SUSD1: variants seen among roughly 807,000 people sequenced by gnomAD.
SUSD1 encodes the protein sushi domain containing 1.
Under a neutral mutation model 86.9 loss-of-function variants are expected in SUSD1, and 65 were observed. The ratio of observed to expected loss-of-function variants is 0.75; its 90% CI spans 0.61 to 0.92. The LOEUF (loss-of-function observed/expected upper bound fraction) is 0.92. SUSD1 is among the 40% of genes least tolerant of loss of function. The pLI, the probability that SUSD1 is intolerant of heterozygous loss-of-function variation, is 0.00. For synonymous variants in SUSD1, 346 were observed against 350.0 expected (o/e 0.99, Z 0.13); for missense variants, 850 against 929.7 (o/e 0.91, Z 1.11).
rs1027947685 is a variant in SUSD1 at position 112,053,548 on chromosome 9, A to G, written c.2110-1110T>C. Reference sequence around the variant, plus strand: ...AAAAAAAAAAAAAAAATCTGAGAAAAGCTTAAAATAGCCATAAGCGTTTGA... The same window carrying G: ...AAAAAAAAAAAAAAAATCTGAGAAAGGCTTAAAATAGCCATAAGCGTTTGA... On this transcript the variant is annotated intron_variant, in intron 14 of 16. Coordinates refer to ENST00000374270, the MANE Select transcript of SUSD1 (RefSeq NM_022486.5). Among the ~76,000 whole-genome samples the G allele has an allele frequency of 1.2e-4, 18 of 151,708 alleles. No individual in the cohort carries two copies. The South Asian group carries it at 2.1e-3, about 18-fold the overall frequency.
chr9:112,087,998 C>T (rs1830053440), intron 10 of SUSD1, among the ~76,000 whole-genome samples: 1 of 152,162 alleles, frequency 6.6e-6, no homozygotes, highest in Non-Finnish European at 1.5e-5. Flanking sequence ...AACATAACAT[C>T]CAAGGGCAAA....
At chr9:112,096,654 C>T (rs1830407480) in intron 10 of SUSD1, among the ~76,000 whole-genome samples, 2 of 152,102 alleles carry the variant, frequency 1.3e-5, no homozygotes, top group Non-Finnish European at 2.9e-5. Flanking sequence ...ATTCTCCCAC[C>T]TCAGCCTCCC....
In SUSD1 at chr9:112,056,309, C is replaced by A. The variant is rs1043099202; in HGVS notation, c.2109+2119G>T. ...AAAGTAGAATGTTGGTTGCCAAGGGCTGTGGAAGGAAGGAATGGGGAGTCA... is the reference window on the plus strand; with the variant it reads ...AAAGTAGAATGTTGGTTGCCAAGGGATGTGGAAGGAAGGAATGGGGAGTCA... On this transcript the variant is annotated intron_variant, in intron 14 of 16. Transcript: ENST00000374270. Among the ~76,000 whole-genome samples, 4 of 151,018 alleles carry A rather than the reference C, an allele frequency of 2.6e-5. No individual in the cohort carries two copies. The South Asian group carries it at 8.4e-4, about 32-fold the overall frequency.
chr9:112,143,731 T>A, intron 3 of SUSD1, 108 bp from the exon 4 acceptor site: 2 of 1,118,814 alleles, frequency 1.8e-6, no homozygotes, highest in Non-Finnish European at 1.2e-6. Context: ...GCTACTCTTG[T>A]AAAAAGATGC....
intron 10 of SUSD1, among the ~76,000 whole-genome samples, chr9:112,083,021 A>C (rs1171467399): frequency 6.6e-6 from 1 of 152,076 alleles, no homozygotes; most frequent in African/African-American, 2.4e-5. Flanking sequence ...TTATAAATGT[A>C]AGCCACTGTA....
intron 1 of SUSD1, among the ~76,000 whole-genome samples, chr9:112,165,818 A>AAGAAAGAAAG (rs1554777614): frequency 3.2e-5 from 4 of 123,470 alleles, no homozygotes; most frequent in South Asian, 2.7e-4. Context: ...GAGAGAGAAA[A>AAGAAAGAAAG]AGAAAGAAAG....
chr9:112,152,687 T>A (rs765033496), intron 2 of SUSD1, among the ~76,000 whole-genome samples: 1 of 150,752 alleles, frequency 6.6e-6, no homozygotes, highest in African/African-American at 2.4e-5. Context: ...TGGGATTAGA[T>A]TGCAGGCATA....
rs778613223 is a variant in SUSD1, at chr9:112,143,504, A to C, written c.493T>G (p.Phe165Val). ...GYLPRNGPEPFHPTTDATSCT... is the reference protein window; with the variant it reads ...GYLPRNGPEPVHPTTDATSCT... ...GATGTGGCATCGGTGGTCGGGTGGA[A>C]AGGTTCAGGTCCATTCCTTGGCAAG... The change falls in exon 4 of 17, where the codon TTC becomes GTC. Residue 165 changes from phenylalanine (F) to valine (V), a missense_variant. Physicochemically the swap from Phe to Val is conservative, Grantham distance 50. Transcript: ENST00000374270. 1.2e-6 allele frequency: 2 copies of C among 1,613,716 alleles called. No homozygotes were observed. Among genetic ancestry groups the C allele is most frequent in the Admixed American group, 1.7e-5 (1 of 59,944 alleles).
intron 15 of SUSD1, among the ~76,000 whole-genome samples, chr9:112,048,128 C>T (rs894863337): frequency 6.6e-6 from 1 of 152,116 alleles, no homozygotes; most frequent in Non-Finnish European, 1.5e-5. Context: ...CTTTGAAGCT[C>T]CAACTTCCCC....
Position 112,149,336 on chromosome 9 carries a change from GT to G in SUSD1, c.280del (p.Thr94ProfsTer33), listed in dbSNP as rs1235763105. 1 of 1,614,006 alleles carries G rather than the reference GT, an allele frequency of 6.2e-7. No individual in the cohort carries two copies. Among genetic ancestry groups the G allele is most frequent in the Admixed American group, 1.7e-5 (1 of 59,984 alleles). On this transcript the variant is annotated frameshift_variant, in exon 3 of 17. Coordinates refer to ENST00000374270, the MANE Select transcript of SUSD1 (RefSeq NM_022486.5). LOFTEE classifies it high-confidence loss of function. ...VCGNHTSCHN[T>X]PGGFYCICLE... is the part of the protein sequence containing the mutation. Reference sequence around the variant, plus strand: ...GCAAATGCAATAGAAGCCCCCGGGGGTGTTGTGGCAAGATGTGTGGTTCCCA... The same window carrying G: ...GCAAATGCAATAGAAGCCCCCGGGGGGTTGTGGCAAGATGTGTGGTTCCCA...
At chr9:112,125,668 A>T (rs2131693003) in intron 5 of SUSD1, among the ~76,000 whole-genome samples, 1 of 152,356 alleles carries the variant, frequency 6.6e-6, no homozygotes, top group East Asian at 1.9e-4. Context: ...CCCTCCTAAC[A>T]TCCAGGCTTT....
rs529470594 is a variant in SUSD1, at chr9:112,142,961, C to CTTTTTTTTTTT, written c.527-473_527-463dup. On this transcript the variant is annotated intron_variant, in intron 4 of 16. Coordinates refer to ENST00000374270, the MANE Select transcript of SUSD1 (RefSeq NM_022486.5). ...AATCCTTTAAGTTTATGAATTTTAGCTTTTTTTTTTTTTTTTTTTTTTTTT... is the reference window on the plus strand; with the variant it reads ...AATCCTTTAAGTTTATGAATTTTAGCTTTTTTTTTTTTTTTTTTTTTTTTTTTTTTTTTTTT... Among the ~76,000 whole-genome samples, 2 of 30,216 alleles carry CTTTTTTTTTTT rather than the reference C, an allele frequency of 6.6e-5. 1 individual carries two copies. 19.8% of individuals were successfully genotyped at this position (30,216 alleles called of 152,430 possible). A position where few individuals can be genotyped will look rare whatever the true frequency, so the allele number is the denominator to read the frequency against.
At chr9:112,081,313 G>A (rs1232205990) in intron 10 of SUSD1, among the ~76,000 whole-genome samples, 1 of 152,212 alleles carries the variant, frequency 6.6e-6, no homozygotes, top group Non-Finnish European at 1.5e-5. Flanking sequence ...TACAAATGAA[G>A]CCAAGTTGGT....
At chr9:112,142,236 T>C in intron 5 of SUSD1, 84 bp downstream of exon 5, 14 of 1,174,928 alleles carry the variant, frequency 1.2e-5, no homozygotes, top group Non-Finnish European at 1.6e-5. Context: ...ACTCATTTAT[T>C]CCCTGAAACT....
chr9:112,052,299 T>A, intron 15 of SUSD1, 100 bp downstream of exon 15: 1 of 1,603,870 alleles, frequency 6.2e-7, no homozygotes, highest in Non-Finnish European at 8.5e-7. Context: ...AATTGGGTTC[T>A]GGTCACCAGT....
intron 5 of SUSD1, among the ~76,000 whole-genome samples, chr9:112,139,151 TC>T (rs1221921910): frequency 6.6e-6 from 1 of 152,164 alleles, no homozygotes; most frequent in Admixed American, 6.6e-5. Flanking sequence ...AGGTGAAATC[TC>T]CCAAATCTTT....
chr9:112,129,142 G>A (rs946756549), intron 5 of SUSD1, among the ~76,000 whole-genome samples: 2 of 152,180 alleles, frequency 1.3e-5, no homozygotes, highest in African/African-American at 2.4e-5. Context: ...CTTCAGAGGG[G>A]ATGGAAATGG....
In SUSD1 at chr9:112,058,597, G is replaced by C; in HGVS notation, c.1940C>G (p.Ser647Cys). The change falls in exon 14 of 17, where the codon TCT becomes TGT. Residue 647 changes from serine to cysteine, a missense_variant. By Grantham distance (112) the Ser-to-Cys change is moderately radical. Coordinates refer to ENST00000374270, the MANE Select transcript of SUSD1 (RefSeq NM_022486.5). ...EGASSFFSNA[S>C]DADGYVAAEL... ...TGCAGCCACGTATCCATCAGCATCA[G>C]AGGCGTTGCTAAAGAAGGAGGAAGC... The C allele has an allele frequency of 1.2e-6, 2 of 1,614,162 alleles. No individual in the cohort carries two copies. Among genetic ancestry groups the C allele is most frequent in the Non-Finnish European group, 8.5e-7 (1 of 1,180,012 alleles).
chr9:112,141,591 C>T (rs896885552), intron 5 of SUSD1, among the ~76,000 whole-genome samples: 3 of 151,254 alleles, frequency 2.0e-5, no homozygotes, highest in Non-Finnish European at 4.4e-5. Flanking sequence ...TCATGAGAAT[C>T]GCTTGAACCC....
Sources: allele counts gnomAD v4.1 joint callset (sites outside exome capture counted in the v4.1 genomes callset), GRCh38; gene constraint gnomAD v4.1.1; transcripts MANE v1.5; gene names NCBI Gene and HGNC (gene_info 2026-07-23, HGNC 2026-07-21).